The following NEGR1 variants were observed in gnomAD, a reference collection of about 807,000 sequenced individuals.
The protein encoded by NEGR1 is IgLON family member 4.
NEGR1 carries 10 observed loss-of-function variants against 40.9 expected under a neutral mutation model. The observed-to-expected ratio is 0.24, with a 90% CI of 0.15 to 0.42. NEGR1 has a LOEUF of 0.42. Ranked by LOEUF, NEGR1 falls within the 10% of genes least tolerant of loss-of-function variation. The pLI is 1.00. For missense variants in NEGR1, 352 were observed against 438.9 expected, an observed-to-expected ratio of 0.80 and a Z score of 1.77; for synonymous variants, 185 against 166.8, an observed-to-expected ratio of 1.11 and a Z score of -0.84.
chr1:71,999,632 A>AATATATATATATATATAT lies in NEGR1; in HGVS notation c.177-64339_177-64322dup, dbSNP rs528857972. 4.3e-4 allele frequency among the ~76,000 whole-genome samples: 21 copies of AATATATATATATATATAT among 48,352 alleles called. 2 individuals carry two copies. Among genetic ancestry groups the AATATATATATATATATAT allele is most frequent in the Non-Finnish European group, 6.4e-4 (16 of 25,038 alleles). 31.7% of individuals were successfully genotyped at this position (48,352 alleles called of 152,430 possible). ...ATGTATTTGCATCTTGAGCAAAGCA[A>AATATATATATATATATAT]ATATATATATATATATATATATATA... On this transcript the variant is annotated intron_variant, in intron 1 of 6. Coordinates refer to ENST00000357731, the MANE Select transcript of NEGR1 (RefSeq NM_173808.3).
In NEGR1 at chr1:71,865,334, C is replaced by T. The variant is rs547175478; in HGVS notation, c.409+69745G>A. 4.6e-5 allele frequency among the ~76,000 whole-genome samples: 7 copies of T among 152,168 alleles called. No homozygotes were observed. In the South Asian group the frequency reaches 1.2e-3, roughly 27 times the overall value. On this transcript the variant is annotated intron_variant, in intron 2 of 6. Coordinates refer to ENST00000357731, the MANE Select transcript of NEGR1 (RefSeq NM_173808.3). ...ACAACAGTAAAGACTTGGAACCAAC[C>T]AAAATGCCCATCAATGATAGACTTG... is the stretch of plus-strand genomic sequence containing the variant.
chr1:72,169,006 G>T (rs1651868141), intron 1 of NEGR1, among the ~76,000 whole-genome samples: 1 of 152,140 alleles, frequency 6.6e-6, no homozygotes, highest in African/African-American at 2.4e-5. Context: ...ATGCATAGTA[G>T]CTAAAATAAT....
intron 2 of NEGR1, among the ~76,000 whole-genome samples, chr1:71,934,477 T>C (rs929613773): frequency 6.6e-6 from 1 of 152,164 alleles, no homozygotes; most frequent in Admixed American, 6.5e-5. Context: ...CCTAGAAGGC[T>C]GCTACTTTTC....
intron 1 of NEGR1, among the ~76,000 whole-genome samples, chr1:72,110,597 C>A (rs1378205541): frequency 1.3e-5 from 2 of 151,472 alleles, no homozygotes; most frequent in Non-Finnish European, 3.0e-5. Context: ...ATACTATAAA[C>A]CCGAAAAAAC....
At chr1:72,031,057 TTAAC>T (rs1646854079) in intron 1 of NEGR1, among the ~76,000 whole-genome samples, 1 of 152,186 alleles carries the variant, frequency 6.6e-6, no homozygotes, top group Non-Finnish European at 1.5e-5. Context: ...GGCTTTCACA[TTAAC>T]TAACAGGACA....
chr1:71,678,826 TAC>T (rs1652731632), intron 4 of NEGR1, among the ~76,000 whole-genome samples: 1 of 152,086 alleles, frequency 6.6e-6, no homozygotes, highest in South Asian at 2.1e-4. Context: ...GAACTGAAAG[TAC>T]CTTTGTGAGG....
At chr1:72,084,839 A>G (rs1483056390) in intron 1 of NEGR1, among the ~76,000 whole-genome samples, 1 of 152,210 alleles carries the variant, frequency 6.6e-6, no homozygotes, top group Non-Finnish European at 1.5e-5. Context: ...ATGAACTAAA[A>G]TATCTGTTAA....
chr1:71,844,668 A>G (rs1389074913), intron 2 of NEGR1, among the ~76,000 whole-genome samples: 1 of 152,222 alleles, frequency 6.6e-6, no homozygotes, highest in African/African-American at 2.4e-5. Flanking sequence ...GGAATGGCAT[A>G]AAATCAGGAT....
intron 1 of NEGR1, among the ~76,000 whole-genome samples, chr1:72,064,996 T>C (rs1647238441): frequency 6.6e-6 from 1 of 152,048 alleles, no homozygotes; most frequent in African/African-American, 2.4e-5. Flanking sequence ...CTAACTGTAA[T>C]TCAAATATCA....
At chr1:71,799,934 G>A (rs531086323) in intron 2 of NEGR1, among the ~76,000 whole-genome samples, 1 of 152,010 alleles carries the variant, frequency 6.6e-6, no homozygotes, top group African/African-American at 2.4e-5. Context: ...GAATGGTCTC[G>A]ATCTCCTGTC....
chr1:71,783,479 A>C (rs1656791178), intron 2 of NEGR1, among the ~76,000 whole-genome samples: 1 of 152,144 alleles, frequency 6.6e-6, no homozygotes, highest in Non-Finnish European at 1.5e-5. Context: ...ACTATGACTG[A>C]CTTGTCACAG....
intron 2 of NEGR1, among the ~76,000 whole-genome samples, chr1:71,791,016 TG>T: frequency 6.6e-6 from 1 of 151,992 alleles, no homozygotes; most frequent in Admixed American, 6.6e-5. Flanking sequence ...GCAACAAAAA[TG>T]TAGATAAAAT....
At chr1:71,488,916 A>T (rs1646906013) in intron 6 of NEGR1, among the ~76,000 whole-genome samples, 1 of 151,810 alleles carries the variant, frequency 6.6e-6, no homozygotes, top group Admixed American at 6.6e-5. Flanking sequence ...ATCGACCTAG[A>T]CTTGAAAACT....
chr1:72,222,292 C>T (rs1477584493), intron 1 of NEGR1, among the ~76,000 whole-genome samples: 1 of 152,158 alleles, frequency 6.6e-6, no homozygotes, highest in Non-Finnish European at 1.5e-5. Flanking sequence ...CTGCAAAAGG[C>T]CAGCTTGCAT....
rs1553152644 is a variant in NEGR1, at chr1:71,597,472, C to CTGTGTGTGTGTGTGTGTGTGTGTG, written c.789-4528_789-4505dup. ...TCTCTCTCTCTCTCTCTCTCTCTCT[C>CTGTGTGTGTGTGTGTGTGTGTGTG]TGTGTGTGTGTGTGTGTGTGTGTGT... On this transcript the variant is annotated intron_variant, in intron 5 of 6. Transcript: ENST00000357731. 4.1e-4 allele frequency among the ~76,000 whole-genome samples: 13 copies of CTGTGTGTGTGTGTGTGTGTGTGTG among 31,330 alleles called. 1 individual carries two copies. The highest frequency in any genetic ancestry group is 1.1e-3 in the African/African-American group (11 of 9,946). 20.6% of individuals were successfully genotyped at this position (31,330 alleles called of 152,430 possible).
At chr1:71,853,801 G>A (rs1056742378) in intron 2 of NEGR1, among the ~76,000 whole-genome samples, 1 of 152,122 alleles carries the variant, frequency 6.6e-6, no homozygotes, top group African/African-American at 2.4e-5. Flanking sequence ...CAAAAGTTGT[G>A]CTGTTATTTG....
At chr1:71,633,118 T>C (rs1651031213) in intron 4 of NEGR1, among the ~76,000 whole-genome samples, 1 of 152,118 alleles carries the variant, frequency 6.6e-6, no homozygotes, top group Non-Finnish European at 1.5e-5. Flanking sequence ...TTGTTTGTGC[T>C]AATTTAATAT....
intron 2 of NEGR1, among the ~76,000 whole-genome samples, chr1:71,885,834 A>C (rs1437443188): frequency 1.3e-5 from 2 of 152,176 alleles, no homozygotes; most frequent in Non-Finnish European, 2.9e-5. Flanking sequence ...TTACCTGGAT[A>C]TTTTTCATAA....
At chr1:71,838,475 CTAGCTT>C (rs1659119962) in intron 2 of NEGR1, among the ~76,000 whole-genome samples, 1 of 152,054 alleles carries the variant, frequency 6.6e-6, no homozygotes, top group Non-Finnish European at 1.5e-5. Flanking sequence ...CAAAGAACTC[CTAGCTT>C]TGACTAAGGT....
Sources: gnomAD v4.1 joint callset for allele counts (sites outside exome capture counted in the v4.1 genomes callset) on GRCh38, gnomAD v4.1.1 for gene constraint, MANE v1.5 for transcripts, NCBI Gene and HGNC (gene_info 2026-07-23, HGNC 2026-07-21) for gene names.